Variants in TGFBR2 observed in about 807,000 individuals in gnomAD.
TGFBR2 encodes transforming growth factor beta receptor 2.
TGFBR2 carries 18 observed loss-of-function variants against 49.0 expected under a neutral mutation model. The ratio of observed to expected loss-of-function variants is 0.37; its 90% CI spans 0.25 to 0.54. The LOEUF is 0.54. TGFBR2 is among the 20% of genes least tolerant of loss of function. The pLI is 0.85. For missense variants in TGFBR2, 525 were observed against 722.6 expected (o/e 0.73, Z 3.13); for synonymous variants, 282 against 275.9 (o/e 1.02, Z -0.22).
intron 1 of TGFBR2, among the ~76,000 whole-genome samples, chr3:30,611,003 ATCT>A (rs1458993271): frequency 1.3e-5 from 2 of 152,220 alleles, no homozygotes; most frequent in Non-Finnish European, 2.9e-5. Flanking sequence ...TTCAAGTGTC[ATCT>A]TCTTGAGGAA....
intron 1 of TGFBR2, among the ~76,000 whole-genome samples, chr3:30,609,685 T>C (rs779883310): frequency 1.4e-4 from 21 of 152,232 alleles, no homozygotes; most frequent in African/African-American, 4.1e-4. Context: ...TAGATTCTTA[T>C]TGAGGACAAA....
intron 1 of TGFBR2, among the ~76,000 whole-genome samples, chr3:30,628,764 A>AAACCT (rs1375482898): frequency 1.3e-5 from 2 of 152,016 alleles, no homozygotes; most frequent in Non-Finnish European, 2.9e-5. Context: ...GAGCCTTTAC[A>AAACCT]GGTTTCAGCT....
At position 30,654,677 on chromosome 3, in the gene TGFBR2, G is replaced by T. The variant is rs191656785; in HGVS notation, c.454+4217G>T. ...ATGGATGGCCTGGTGACAGCTGTCA[G>T]TCAGACGAGACCTGATGGGCACCAG... On this transcript the variant is annotated intron_variant, in intron 3 of 6. Coordinates refer to ENST00000295754, the MANE Select transcript of TGFBR2 (RefSeq NM_003242.6). Among the ~76,000 whole-genome samples, 284 of 152,342 alleles carry T rather than the reference G, an allele frequency of 1.9e-3. 2 individuals carry two copies. In the Middle Eastern group the frequency reaches 0.024, roughly 13 times the overall value.
chr3:30,675,270 A>C (rs529051676), intron 5 of TGFBR2, among the ~76,000 whole-genome samples: 11 of 152,196 alleles, frequency 7.2e-5, no homozygotes, highest in Non-Finnish European at 1.3e-4. Flanking sequence ...CCTGTCCACT[A>C]TGTGTTTCTA....
At chr3:30,654,205 T>C (rs1206046583) in intron 3 of TGFBR2, among the ~76,000 whole-genome samples, 1 of 152,172 alleles carries the variant, frequency 6.6e-6, no homozygotes, top group African/African-American at 2.4e-5. Context: ...TTTGTTCCTT[T>C]TGTTGTTGTT....
intron 3 of TGFBR2, among the ~76,000 whole-genome samples, chr3:30,657,128 G>A (rs9838479): frequency 0.019 from 2,899 of 152,222 alleles, 95 homozygotes; most frequent in African/African-American, 0.066. Flanking sequence ...CTTTTTGTCC[G>A]TAGGAGAATC....
intron 2 of TGFBR2, among the ~76,000 whole-genome samples, chr3:30,649,060 A>G (rs1182078430): frequency 2.6e-5 from 4 of 152,138 alleles, no homozygotes; most frequent in Non-Finnish European, 5.9e-5. Flanking sequence ...GATTAGGGGA[A>G]AATTGGTGAG....
chr3:30,663,533 G>A (rs149756659), intron 3 of TGFBR2, among the ~76,000 whole-genome samples: 31 of 152,176 alleles, frequency 2.0e-4, no homozygotes, highest in Non-Finnish European at 2.5e-4. Context: ...CAGTAATTCT[G>A]CAAAAAAGCA....
intron 1 of TGFBR2, among the ~76,000 whole-genome samples, chr3:30,614,115 C>CTTTTTTTTTTTTTT (rs5847643): frequency 1.7e-4 from 20 of 120,614 alleles, no homozygotes; most frequent in East Asian, 4.8e-4. Context: ...TTTTTCTTTC[C>CTTTTTTTTTTTTTT]TTTTTTTTTT....
At chr3:30,678,349 C>T (rs1322616056) in intron 5 of TGFBR2, among the ~76,000 whole-genome samples, 1 of 152,022 alleles carries the variant, frequency 6.6e-6, no homozygotes, top group African/African-American at 2.4e-5. Flanking sequence ...AGATCGAGAC[C>T]ATCCTGGCTA....
intron 1 of TGFBR2, among the ~76,000 whole-genome samples, chr3:30,621,503 A>G (rs938570873): frequency 6.6e-6 from 1 of 151,866 alleles, no homozygotes; most frequent in Non-Finnish European, 1.5e-5. Flanking sequence ...CTGCTCTTGA[A>G]CTTCTGACCT....
chr3:30,620,811 A>C (rs1698216826), intron 1 of TGFBR2, among the ~76,000 whole-genome samples: 1 of 152,190 alleles, frequency 6.6e-6, no homozygotes, highest in Admixed American at 6.5e-5. Context: ...GGATGGCTGA[A>C]GGGGTCTTGG....
chr3:30,665,002 G>A (rs1429067804), intron 3 of TGFBR2, among the ~76,000 whole-genome samples: 2 of 152,198 alleles, frequency 1.3e-5, no homozygotes, highest in African/African-American at 4.8e-5. Flanking sequence ...TAATTTATCC[G>A]AGCAATAGAA....
intron 3 of TGFBR2, among the ~76,000 whole-genome samples, chr3:30,658,534 C>T (rs1014574720): frequency 1.3e-5 from 2 of 152,128 alleles, no homozygotes; most frequent in South Asian, 4.1e-4. Flanking sequence ...AATAGGGAAG[C>T]AGACCATAAG....
In TGFBR2 at chr3:30,672,315, A is replaced by C; in HGVS notation, c.1132A>C (p.Arg378=). The C allele has an allele frequency of 6.2e-7, 1 of 1,611,482 alleles. No homozygotes were observed. The highest frequency in any genetic ancestry group is 8.5e-7 in the Non-Finnish European group (1 of 1,178,354). Residue 378 remains arginine (R), a synonymous_variant, in exon 4 of 7, where the codon AGG becomes CGG. Coordinates refer to ENST00000295754, the MANE Select transcript of TGFBR2 (RefSeq NM_003242.6). This position sits in a 1 kb window ranked among gnomAD's most constrained non-coding sequence, Gnocchi z 4.5. ...CGRPKMPIVH[R]DLKSSNILVK... ...GAGGCCCAAGATGCCCATCGTGCACAGGGACCTCAAGAGCTCCAATATCCT... is the reference window on the plus strand; with the variant it reads ...GAGGCCCAAGATGCCCATCGTGCACCGGGACCTCAAGAGCTCCAATATCCT...
At chr3:30,634,714 A>G (rs1698498890) in intron 1 of TGFBR2, among the ~76,000 whole-genome samples, 1 of 152,214 alleles carries the variant, frequency 6.6e-6, no homozygotes, top group South Asian at 2.1e-4. Flanking sequence ...TATTTTCAAT[A>G]ATAAATTATT....
chr3:30,624,122 A>C (rs1013335615), intron 1 of TGFBR2, among the ~76,000 whole-genome samples: 8 of 152,096 alleles, frequency 5.3e-5, no homozygotes, highest in South Asian at 4.1e-4. Flanking sequence ...CAGCCTGGGC[A>C]ACAGACCAAG....
intron 6 of TGFBR2, among the ~76,000 whole-genome samples, chr3:30,689,410 A>C (rs1468605986): frequency 6.6e-6 from 1 of 152,206 alleles, no homozygotes; most frequent in African/African-American, 2.4e-5. Context: ...AAAACCTTTT[A>C]TTGCCTCTTT....
chr3:30,674,018 G>T, intron 4 of TGFBR2, 87 bp from the exon 5 acceptor site: 2 of 1,531,162 alleles, frequency 1.3e-6, no homozygotes. Flanking sequence ...TCCTCTGCAC[G>T]TGTCAGGGGC....
Sources: allele counts gnomAD v4.1 joint callset (sites outside exome capture counted in the v4.1 genomes callset), GRCh38; gene constraint gnomAD v4.1.1; non-coding constraint Gnocchi (gnomAD v3.1); transcripts MANE v1.5; gene names NCBI Gene and HGNC (gene_info 2026-07-23, HGNC 2026-07-21).